The following SLC9A3 variants were observed in gnomAD, a reference collection of about 807,000 sequenced individuals.
SLC9A3 encodes sodium/hydrogen exchanger 3.
In SLC9A3, 37 loss-of-function variants were observed where a neutral mutation model predicts 86.8. That is an observed-to-expected ratio of 0.43 (90% confidence interval 0.33 to 0.56). The LOEUF (loss-of-function observed/expected upper bound fraction) is 0.56, where lower values mean the gene tolerates loss of function less well. Among genes scored for constraint, SLC9A3 ranks in the 20% least tolerant of loss-of-function variants. The probability of loss-of-function intolerance (pLI) is 0.06; values close to 1 mark genes in which losing one functional copy is unlikely to be tolerated. For missense variants in SLC9A3, 1,011 were observed against 1,171.9 expected (o/e 0.86, Z 2.00); for synonymous variants, 581 against 528.3 (o/e 1.10, Z -1.37).
At chr5:498,197 C>T (rs1286440379) in intron 1 of SLC9A3, among the ~76,000 whole-genome samples, 1 of 152,262 alleles carries the variant, frequency 6.6e-6, no homozygotes, top group African/African-American at 2.4e-5. Flanking sequence ...AGGGGTGCTG[C>T]CAACCGTGTC....
At chr5:493,724 G>T (rs1224777210) in intron 1 of SLC9A3, among the ~76,000 whole-genome samples, 4 of 152,168 alleles carry the variant, frequency 2.6e-5, no homozygotes, top group Non-Finnish European at 4.4e-5. Context: ...GCCCCGGGAG[G>T]GATCGGGGTT....
chr5:520,591 C>T (rs1030385843), intron 1 of SLC9A3, among the ~76,000 whole-genome samples: 3 of 152,174 alleles, frequency 2.0e-5, no homozygotes, highest in Admixed American at 6.5e-5. Flanking sequence ...GCCAGGCAGT[C>T]GTCTGAGAAC....
chr5:520,868 C>T (rs1024776179), intron 1 of SLC9A3, among the ~76,000 whole-genome samples: 9 of 152,274 alleles, frequency 5.9e-5, no homozygotes, highest in African/African-American at 1.7e-4. Flanking sequence ...CAGCCTCAGC[C>T]CCCAGAGGAA....
At chr5:490,738 G>C (rs1279814316) in intron 2 of SLC9A3, among the ~76,000 whole-genome samples, 1 of 152,222 alleles carries the variant, frequency 6.6e-6, no homozygotes, top group African/African-American at 2.4e-5. Flanking sequence ...GGTGGCTAGG[G>C]CGGCTGCCCC....
chr5:488,888 G>A (rs1219989393), intron 2 of SLC9A3, among the ~76,000 whole-genome samples: 2 of 152,186 alleles, frequency 1.3e-5, no homozygotes, highest in South Asian at 4.1e-4. Flanking sequence ...CCAGGGGCGC[G>A]GCCAGGGAGG....
chr5:482,252 C>T, intron 7 of SLC9A3, 95 bp from the exon 8 acceptor site: 1 of 929,954 alleles, frequency 1.1e-6, no homozygotes. Context: ...TGCCCCGGGG[C>T]CCACAGGCGC....
rs547052104 is a variant in SLC9A3, at chr5:477,197, C to A, written c.1760+135G>T. 3.2e-5 allele frequency: 20 copies of A among 616,110 alleles called. No homozygotes were observed. The African/African-American group carries it at 3.7e-4, about 11-fold the overall frequency. 38.2% of individuals were successfully genotyped at this position (616,110 alleles called of 1,614,324 possible). A position where few individuals can be genotyped will look rare whatever the true frequency, so the allele number is the denominator to read the frequency against. On this transcript the variant is annotated intron_variant, in intron 11 of 16. Transcript: ENST00000264938. ...ATAGGAGGGCTTGTGGAAGGAGACA[C>A]CCACCCCCTCTTTCTGCACCTCTCC... is the stretch of plus-strand genomic sequence containing the variant.
chr5:488,495 C>T lies in SLC9A3; in HGVS notation c.515-19G>A, dbSNP rs763993960. The T allele has an allele frequency of 9.8e-6, 15 of 1,527,232 alleles. No homozygotes were observed. The highest frequency in any genetic ancestry group is 1.4e-5 in the African/African-American group (1 of 72,268). 94.6% of individuals were successfully genotyped at this position (1,527,232 alleles called of 1,614,324 possible). A position where few individuals can be genotyped will look rare whatever the true frequency, so the allele number is the denominator to read the frequency against. ...AGGTCGCCTGGAAGACAAGCCGGGC[C>T]GCGGGGCAGCTGCAGGGCCTGCCAC... On this transcript the variant is annotated intron_variant, in intron 2 of 16. Coordinates refer to ENST00000264938, the MANE Select transcript of SLC9A3 (RefSeq NM_004174.4).
intron 3 of SLC9A3, among the ~76,000 whole-genome samples, chr5:485,729 C>T (rs1739431699): frequency 6.6e-6 from 1 of 152,266 alleles, no homozygotes; most frequent in Non-Finnish European, 1.5e-5. Flanking sequence ...CGAGGGCCGT[C>T]CTGGGTGGGC....
chr5:476,702 G>A (rs773450430), intron 11 of SLC9A3, 30 bp from the exon 12 acceptor site: 1 of 1,597,360 alleles, frequency 6.3e-7, no homozygotes. Flanking sequence ...GAGCCATACA[G>A]GCTCCCTCAG....
At chr5:481,802 G>A (rs377144535) in intron 8 of SLC9A3, among the ~76,000 whole-genome samples, 167 bp from the exon 9 acceptor site, 2 of 103,576 alleles carry the variant, frequency 1.9e-5, no homozygotes, top group South Asian at 3.5e-4. Context: ...AGGAACACAC[G>A]GTGCCCTCCG....
At chr5:514,997 C>T (rs1363239731) in intron 1 of SLC9A3, among the ~76,000 whole-genome samples, 2 of 152,042 alleles carry the variant, frequency 1.3e-5, no homozygotes, top group Non-Finnish European at 2.9e-5. Context: ...GATGGTCCAG[C>T]ACAAAGCCCT....
intron 1 of SLC9A3, among the ~76,000 whole-genome samples, chr5:508,068 GGCGCCC>G (rs1489413614): frequency 2.0e-5 from 3 of 152,234 alleles, no homozygotes; most frequent in African/African-American, 7.2e-5. Context: ...TCGGCTTCTT[GGCGCCC>G]GCCCCTCACA....
rs184861347 is a variant in SLC9A3 at position 497,244 on chromosome 5, G to T, written c.212-5173C>A. ...GTGCCCAGGCCGCTGCCCCGCAGGTGCCCCTCAAGTCACACCACTGCTCTG... is the reference window on the plus strand; with the variant it reads ...GTGCCCAGGCCGCTGCCCCGCAGGTTCCCCTCAAGTCACACCACTGCTCTG... On this transcript the variant is annotated intron_variant, in intron 1 of 16. Transcript: ENST00000264938. The surrounding 1 kb of genome is among the most constrained non-coding windows in gnomAD (Gnocchi z 5.4). Among the ~76,000 whole-genome samples the T allele has an allele frequency of 9.9e-5, 15 of 152,254 alleles. No homozygotes were observed. Among genetic ancestry groups the T allele is most frequent in the African/African-American group, 3.4e-4 (14 of 41,554 alleles).
chr5:484,185 T>G (rs1172486575), intron 5 of SLC9A3, among the ~76,000 whole-genome samples: 112 of 2,830 alleles, frequency 0.04, no homozygotes, highest in East Asian at 0.056. Flanking sequence ...AAGCTCGGGT[T>G]GGGGTCCCCC....
intron 1 of SLC9A3, among the ~76,000 whole-genome samples, chr5:494,531 G>A (rs74509419): frequency 0.039 from 5,979 of 152,258 alleles, 392 homozygotes; most frequent in African/African-American, 0.13. Context: ...GGTGCAGGAA[G>A]GCCTGGGGCA....
At chr5:492,293 GC>G (rs1739801111) in intron 1 of SLC9A3, among the ~76,000 whole-genome samples, 1 of 99,698 alleles carries the variant, frequency 1.0e-5, no homozygotes, top group African/African-American at 4.4e-5. Context: ...TGGGACCCGT[GC>G]GGCAGAGGAG....
Position 491,859 on chromosome 5 carries a change from T to TC in SLC9A3, c.423dup (p.Thr142AspfsTer60). 1 of 1,608,582 alleles carries TC rather than the reference T, an allele frequency of 6.2e-7. No individual in the cohort carries two copies. On this transcript the variant is annotated frameshift_variant, in exon 2 of 17. Coordinates refer to ENST00000264938, the MANE Select transcript of SLC9A3 (RefSeq NM_004174.4). LOFTEE classifies it high-confidence loss of function. This position sits in a 1 kb window ranked among gnomAD's most constrained non-coding sequence, Gnocchi z 9.2. ...CCCACGACGGCGTACAACAGGATGG[T>TC]CCCCAGGTTGCCGAAGAAGAGGCGG...
Position 472,834 on chromosome 5 carries a change from G to A in SLC9A3, c.*545C>T, listed in dbSNP as rs1014074460. On this transcript the variant is annotated 3_prime_UTR_variant, in exon 17 of 17. Transcript: ENST00000264938. The stretch of plus-strand genomic sequence containing the variant: ...GAGTCAGTCCCCGGGCGCGGGGCTC[G>A]GTTGGGGGGGCCCGGAACCTTGGGC... 1.3e-5 allele frequency: 7 copies of A among 545,848 alleles called. No homozygotes were observed. The highest frequency in any genetic ancestry group is 1.0e-4 in the African/African-American group (5 of 49,788). 33.8% of individuals were successfully genotyped at this position (545,848 alleles called of 1,614,324 possible). A position where few individuals can be genotyped will look rare whatever the true frequency, so the allele number is the denominator to read the frequency against.
Sources: allele counts gnomAD v4.1 joint callset (sites outside exome capture counted in the v4.1 genomes callset), GRCh38; gene constraint gnomAD v4.1.1; non-coding constraint Gnocchi (gnomAD v3.1); transcripts MANE v1.5; gene names NCBI Gene and HGNC (gene_info 2026-07-23, HGNC 2026-07-21).